CNTN1: variants seen among roughly 807,000 people sequenced by gnomAD.
CNTN1 encodes the protein contactin-1.
A neutral mutation model predicts 126.4 loss-of-function variants in CNTN1; 38 were observed. That is an observed-to-expected ratio of 0.30 (90% CI 0.23 to 0.39). The LOEUF is 0.39. Among genes scored for constraint, CNTN1 ranks in the 10% least tolerant of loss-of-function variants. The probability of loss-of-function intolerance (pLI) is 1.00; values close to 1 mark genes in which losing one functional copy is unlikely to be tolerated. For missense variants in CNTN1, 1,009 were observed against 1,248.4 expected (o/e 0.81, Z 2.89); for synonymous variants, 413 against 422.6 (o/e 0.98, Z 0.28).
In CNTN1 at chr12:41,029,145, A is replaced by G. The variant is rs1592428509; in HGVS notation, c.2906A>G (p.Asp969Gly). 1 of 1,614,110 alleles carries G rather than the reference A, an allele frequency of 6.2e-7. No individual in the cohort carries two copies. The highest frequency in any genetic ancestry group is 8.5e-7 in the Non-Finnish European group (1 of 1,180,010). ...TCCATAGAAGTCCCAATCCCCAGAG[A>G]TGGAGAATACGTTGTGGAGGTTCGC... Reference protein sequence around the residue: ...KHSIEVPIPRDGEYVVEVRAH... With the variant: ...KHSIEVPIPRGGEYVVEVRAH... The change falls in exon 23 of 24, where the codon GAT becomes GGT. Residue 969 changes from aspartate to glycine, a missense_variant. By Grantham distance (94) the Asp-to-Gly change is moderately conservative. Transcript: ENST00000551295.
At chr12:40,729,793 G>A (rs74078558) in intron 1 of CNTN1, 26,592 of 208,842 alleles carry the variant, frequency 0.13, 1,993 homozygotes, top group African/African-American at 0.21. Flanking sequence ...GGACTGCAGT[G>A]AGGAGACAGC....
chr12:40,852,313 T>C (rs1458919659), intron 1 of CNTN1, among the ~76,000 whole-genome samples: 1 of 152,196 alleles, frequency 6.6e-6, no homozygotes, highest in Non-Finnish European at 1.5e-5. Flanking sequence ...AAGCCATTTT[T>C]CTTCTTATTT....
intron 1 of CNTN1, among the ~76,000 whole-genome samples, chr12:40,771,827 A>T (rs1048597750): frequency 2.6e-5 from 4 of 152,068 alleles, no homozygotes; most frequent in African/African-American, 9.7e-5. Context: ...TATCAATTTT[A>T]TATGATTTTT....
At chr12:40,961,369 G>A (rs1947101418) in intron 15 of CNTN1, among the ~76,000 whole-genome samples, 1 of 151,858 alleles carries the variant, frequency 6.6e-6, no homozygotes, top group Admixed American at 6.6e-5. Context: ...AACATGTATA[G>A]ATGTTCTAAT....
intron 3 of CNTN1, 91 bp from the exon 4 acceptor site, chr12:40,918,548 G>T: frequency 1.7e-6 from 2 of 1,191,404 alleles, no homozygotes; most frequent in Non-Finnish European, 2.5e-6. Context: ...TTCTGTTTCT[G>T]ATTTTTTTCA....
intron 1 of CNTN1, among the ~76,000 whole-genome samples, chr12:40,774,758 C>T (rs370858687): frequency 1.3e-5 from 2 of 150,644 alleles, no homozygotes. Context: ...TAGTCTTCTA[C>T]TTTTGGCCTT....
At chr12:40,925,944 T>TA (rs896450740) in intron 6 of CNTN1, among the ~76,000 whole-genome samples, 2 of 150,254 alleles carry the variant, frequency 1.3e-5, no homozygotes, top group Non-Finnish European at 3.0e-5. Flanking sequence ...ATCCAGTGAC[T>TA]ACATTTGACC....
intron 9 of CNTN1, among the ~76,000 whole-genome samples, chr12:40,934,866 T>G (rs1592281263): frequency 6.6e-6 from 1 of 151,952 alleles, no homozygotes; most frequent in East Asian, 1.9e-4. Flanking sequence ...CAGTTGTACT[T>G]TTTTTTGATC....
At chr12:41,010,294 C>T (rs1314489761) in intron 17 of CNTN1, among the ~76,000 whole-genome samples, 1 of 152,118 alleles carries the variant, frequency 6.6e-6, no homozygotes, top group Non-Finnish European at 1.5e-5. Context: ...GGGGGCAGTC[C>T]GACTTCCAAT....
intron 17 of CNTN1, among the ~76,000 whole-genome samples, chr12:41,009,061 G>A (rs1460551409): frequency 6.6e-6 from 1 of 152,186 alleles, no homozygotes; most frequent in East Asian, 1.9e-4. Context: ...TCCTTGCTCT[G>A]TAAAGGAGCC....
chr12:40,976,967 T>C (rs934254727), intron 15 of CNTN1, among the ~76,000 whole-genome samples: 2 of 152,154 alleles, frequency 1.3e-5, no homozygotes, highest in African/African-American at 4.8e-5. Flanking sequence ...CTGAGACAAG[T>C]CTCAAGAAAG....
At position 41,035,413 on chromosome 12, in the gene CNTN1, C is replaced by A. The variant is rs143076923; in HGVS notation, c.2980+6194C>A. Among the ~76,000 whole-genome samples the A allele has an allele frequency of 2.0e-5, 3 of 152,230 alleles. No homozygotes were observed. In the East Asian group the frequency reaches 5.8e-4, roughly 29 times the overall value. On this transcript the variant is annotated intron_variant, in intron 23 of 23. Coordinates refer to ENST00000551295, the MANE Select transcript of CNTN1 (RefSeq NM_001843.4). The stretch of plus-strand genomic sequence containing the variant: ...CAGATTTTCAAAAACATTTTGTTCT[C>A]TAGTAAATTAATTCATTCAATAAGT...
chr12:40,787,558 G>A (rs1429759465), intron 1 of CNTN1, among the ~76,000 whole-genome samples: 1 of 152,010 alleles, frequency 6.6e-6, no homozygotes, highest in African/African-American at 2.4e-5. Flanking sequence ...ATTTTTCTGA[G>A]CATGACTAAT....
At chr12:40,774,836 G>C (rs1328757323) in intron 1 of CNTN1, among the ~76,000 whole-genome samples, 1 of 150,804 alleles carries the variant, frequency 6.6e-6, no homozygotes, top group African/African-American at 2.4e-5. Context: ...AGAGAAATTA[G>C]AGCAACTAAG....
rs577315893 is a variant in CNTN1 at position 40,923,837 on chromosome 12, T to C, written c.401-720T>C. On this transcript the variant is annotated intron_variant, in intron 5 of 23. Transcript: ENST00000551295. ...CTTAGCATAGATGAATTTTCAGAGG[T>C]ATACACTTTATACTGAGAAAAGTAA... Among the ~76,000 whole-genome samples, 8 of 152,224 alleles carry C rather than the reference T, an allele frequency of 5.3e-5. No individual in the cohort carries two copies. In the East Asian group the frequency reaches 1.2e-3, roughly 22 times the overall value.
At chr12:40,870,879 G>C (rs968609245) in intron 1 of CNTN1, among the ~76,000 whole-genome samples, 1 of 152,074 alleles carries the variant, frequency 6.6e-6, no homozygotes. Context: ...AGCATCCTTG[G>C]TTTGCAGATG....
chr12:40,812,112 A>G (rs546670189), intron 1 of CNTN1, among the ~76,000 whole-genome samples: 1 of 150,992 alleles, frequency 6.6e-6, no homozygotes, highest in African/African-American at 2.4e-5. Flanking sequence ...TTGTCTTAAG[A>G]TATTTTCAAA....
chr12:40,967,278 C>G (rs1337313771), intron 15 of CNTN1, among the ~76,000 whole-genome samples: 1 of 151,888 alleles, frequency 6.6e-6, no homozygotes, highest in Admixed American at 6.6e-5. Context: ...GTCAGGAGTT[C>G]GAGACCAACC....
chr12:40,708,736 T>C (rs1941833875), intron 1 of CNTN1, among the ~76,000 whole-genome samples: 1 of 152,250 alleles, frequency 6.6e-6, no homozygotes, highest in Non-Finnish European at 1.5e-5. Flanking sequence ...ATTTCAACAA[T>C]GTTCACAGCA....
Sources: gnomAD v4.1 joint callset for allele counts (sites outside exome capture counted in the v4.1 genomes callset) on GRCh38, gnomAD v4.1.1 for gene constraint, MANE v1.5 for transcripts, NCBI Gene and HGNC (gene_info 2026-07-23, HGNC 2026-07-21) for gene names.